Variants in CDH9 observed in about 807,000 individuals in gnomAD.
The protein encoded by CDH9 is cadherin 9.
CDH9 carries 28 observed loss-of-function variants against 70.9 expected under a neutral mutation model. That is an observed-to-expected ratio of 0.40 (90% CI 0.29 to 0.54). The LOEUF is 0.54. Among genes scored for constraint, CDH9 ranks in the 20% least tolerant of loss-of-function variants. The pLI, the probability that CDH9 is intolerant of heterozygous loss-of-function variation, is 0.59. For missense variants in CDH9, 874 were observed against 984.4 expected (o/e 0.89, Z 1.50); for synonymous variants, 409 against 343.1 (o/e 1.19, Z -2.12).
At chr5:26,948,441 C>T (rs1741790600) in intron 2 of CDH9, among the ~76,000 whole-genome samples, 1 of 152,212 alleles carries the variant, frequency 6.6e-6, no homozygotes. Context: ...GGTTACAAGT[C>T]CCCAAAGACT....
At chr5:26,996,954 C>T (rs930791017) in intron 1 of CDH9, among the ~76,000 whole-genome samples, 5 of 152,060 alleles carry the variant, frequency 3.3e-5, no homozygotes, top group Non-Finnish European at 7.4e-5. Flanking sequence ...AAGCAATCCT[C>T]AATGGCTATC....
chr5:26,921,153 T>A (rs543716919), intron 2 of CDH9, among the ~76,000 whole-genome samples: 13 of 151,698 alleles, frequency 8.6e-5, no homozygotes, highest in Non-Finnish European at 1.3e-4. Flanking sequence ...AAAAGAGAAG[T>A]CTGGAAAATC....
chr5:26,919,445 G>C (rs1404797829), intron 2 of CDH9, among the ~76,000 whole-genome samples: 1 of 152,152 alleles, frequency 6.6e-6, no homozygotes, highest in Non-Finnish European at 1.5e-5. Flanking sequence ...CTGCTACCAT[G>C]GGCTAAAGGG....
rs183773283 is a variant in CDH9, at chr5:27,007,968, A to C, written c.-49-19586T>G. Reference sequence around the variant, plus strand: ...GTTAAACAGACTTAGAACAACTTTCAAAAAAAAAGACACTTACATTTGGAT... The same window carrying C: ...GTTAAACAGACTTAGAACAACTTTCCAAAAAAAAGACACTTACATTTGGAT... On this transcript the variant is annotated intron_variant, in intron 1 of 11. Transcript: ENST00000231021. Among the ~76,000 whole-genome samples the C allele has an allele frequency of 3.0e-3, 460 of 151,344 alleles. 4 individuals are homozygous for C. Among genetic ancestry groups the C allele is most frequent in the African/African-American group, 0.01 (429 of 41,314 alleles).
At position 26,973,422 on chromosome 5, in the gene CDH9, T is replaced by C. The variant is rs116028348; in HGVS notation, c.228+14684A>G. ...TGTACATTAGCTTACAATCCCCTTTTTAGTATCTATTTTATTTTGTATTTT... is the reference window on the plus strand; with the variant it reads ...TGTACATTAGCTTACAATCCCCTTTCTAGTATCTATTTTATTTTGTATTTT... On this transcript the variant is annotated intron_variant, in intron 2 of 11. Transcript: ENST00000231021. 2.1e-3 allele frequency among the ~76,000 whole-genome samples: 316 copies of C among 152,076 alleles called. 3 individuals carry two copies. The highest frequency in any genetic ancestry group is 7.4e-3 in the African/African-American group (305 of 41,382).
chr5:27,022,077 A>G (rs1743147146), intron 1 of CDH9, among the ~76,000 whole-genome samples: 2 of 152,108 alleles, frequency 1.3e-5, no homozygotes, highest in South Asian at 2.1e-4. Context: ...TATTACTCCC[A>G]TAACACTATA....
intron 1 of CDH9, among the ~76,000 whole-genome samples, chr5:26,992,388 G>C (rs1742591968): frequency 6.6e-6 from 1 of 152,192 alleles, no homozygotes; most frequent in South Asian, 2.1e-4. Flanking sequence ...AGAGGCATGA[G>C]AGGGTTCTCT....
chr5:27,018,516 G>A (rs1476000995), intron 1 of CDH9, among the ~76,000 whole-genome samples: 1 of 151,634 alleles, frequency 6.6e-6, no homozygotes, highest in Non-Finnish European at 1.5e-5. Flanking sequence ...TGTTCCCAGG[G>A]AGCCCTCTAA....
At chr5:26,997,624 T>G (rs1252062094) in intron 1 of CDH9, among the ~76,000 whole-genome samples, 1 of 152,196 alleles carries the variant, frequency 6.6e-6, no homozygotes, top group Non-Finnish European at 1.5e-5. Flanking sequence ...GGTCCTGACA[T>G]GCTGACATGT....
At position 26,885,691 on chromosome 5, in the gene CDH9, G is replaced by A; in HGVS notation, c.1805C>T (p.Ala602Val). 1 of 1,613,632 alleles carries A rather than the reference G, an allele frequency of 6.2e-7. No individual in the cohort carries two copies. The highest frequency in any genetic ancestry group is 8.5e-7 in the Non-Finnish European group (1 of 1,179,798). ...DNQGNMQSCT[A>V]EALILSAGLS... The stretch of plus-strand genomic sequence containing the variant: ...GCCGGCTGAAAGGATCAGGGCTTCT[G>A]CGGTGCAGGATTGCATGTTTCCTTG... The change falls in exon 11 of 12, where the codon GCA becomes GTA. Residue 602 changes from alanine to valine, a missense_variant. Ala to Val is a moderately conservative substitution (Grantham distance 64, BLOSUM62 0). Transcript: ENST00000231021.
chr5:26,925,163 C>G (rs999102543), intron 2 of CDH9, among the ~76,000 whole-genome samples: 1 of 152,168 alleles, frequency 6.6e-6, no homozygotes, highest in Non-Finnish European at 1.5e-5. Flanking sequence ...TTTACACTCC[C>G]ACCAGCATTG....
intron 2 of CDH9, among the ~76,000 whole-genome samples, chr5:26,955,629 T>C (rs1188868048): frequency 6.6e-6 from 1 of 152,062 alleles, no homozygotes; most frequent in East Asian, 1.9e-4. Context: ...ATTATTTCAA[T>C]TTCAGCTGAC....
rs928471931 is a variant in CDH9 at position 26,915,937 on chromosome 5, A to G, written c.229-13T>C. Reference sequence around the variant, plus strand: ...GGTCAGTGTGAAGCTTTAGAGAGGTAGAAAAGAAGAGTTCTGTAAATATAT... The same window carrying G: ...GGTCAGTGTGAAGCTTTAGAGAGGTGGAAAAGAAGAGTTCTGTAAATATAT... On this transcript the variant is annotated splice_polypyrimidine_tract_variant and intron_variant, in intron 2 of 11. Transcript: ENST00000231021. 4.5e-6 allele frequency: 7 copies of G among 1,550,718 alleles called. No individual in the cohort carries two copies. Among genetic ancestry groups the G allele is most frequent in the East Asian group, 2.3e-5 (1 of 44,430 alleles).
chr5:26,886,873 T>C (rs1006890908), intron 9 of CDH9, among the ~76,000 whole-genome samples: 3 of 152,170 alleles, frequency 2.0e-5, no homozygotes, highest in African/African-American at 7.2e-5. Context: ...GAGCTACACA[T>C]TGGGTTGCCT....
chr5:26,899,064 GA>G (rs1216282579), intron 7 of CDH9, among the ~76,000 whole-genome samples: 5 of 152,004 alleles, frequency 3.3e-5, no homozygotes, highest in Non-Finnish European at 7.4e-5. Context: ...ACAAACATAT[GA>G]AAAAAAGCTC....
chr5:26,915,835 ATTTT>A lies in CDH9; in HGVS notation c.314_317del (p.Glu105ValfsTer11). The A allele has an allele frequency of 6.2e-7, 1 of 1,612,728 alleles. No homozygotes were observed. The highest frequency in any genetic ancestry group is 8.5e-7 in the Non-Finnish European group (1 of 1,178,874). On this transcript the variant is annotated frameshift_variant, in exon 3 of 12. Transcript: ENST00000231021. LOFTEE classifies it high-confidence loss of function. Reference sequence around the variant, plus strand: ...TCTTTGCAGCATGAATGTCTCCTGTATTTTCATCTATAACAAATAGACTGCCAGC... The same window carrying A: ...TCTTTGCAGCATGAATGTCTCCTGTACATCTATAACAAATAGACTGCCAGC...
intron 3 of CDH9, among the ~76,000 whole-genome samples, chr5:26,909,474 A>T (rs1406399966): frequency 1.3e-5 from 2 of 151,338 alleles, no homozygotes; most frequent in African/African-American, 4.8e-5. Context: ...AACTTGAATG[A>T]CAAATTTATA....
In CDH9 at chr5:26,880,960, C is replaced by G. The variant is rs935109874; in HGVS notation, c.*176G>C. On this transcript the variant is annotated 3_prime_UTR_variant, in exon 12 of 12. Transcript: ENST00000231021. ...TTATTACTTTTTTAAAAATCTGTAT[C>G]ATTCGTATTCATTCACAAAGACTTA... 1 of 504,922 alleles carries G rather than the reference C, an allele frequency of 2.0e-6. No homozygotes were observed. 31.3% of individuals were successfully genotyped at this position (504,922 alleles called of 1,614,324 possible). A position where few individuals can be genotyped will look rare whatever the true frequency, so the allele number is the denominator to read the frequency against.
intron 2 of CDH9, among the ~76,000 whole-genome samples, chr5:26,919,766 C>T (rs1303646757): frequency 6.6e-6 from 1 of 152,082 alleles, no homozygotes; most frequent in Non-Finnish European, 1.5e-5. Context: ...CCTGAGGCCC[C>T]CATTTCCAGA....
Sources: gnomAD v4.1 joint callset for allele counts (sites outside exome capture counted in the v4.1 genomes callset) on GRCh38, gnomAD v4.1.1 for gene constraint, MANE v1.5 for transcripts, NCBI Gene and HGNC (gene_info 2026-07-23, HGNC 2026-07-21) for gene names.